CTNNA3: variants seen among roughly 807,000 people sequenced by gnomAD.
CTNNA3 encodes catenin alpha 3.
A neutral mutation model predicts 95.7 loss-of-function variants in CTNNA3; 76 were observed. The ratio of observed to expected loss-of-function variants is 0.79; its 90% CI spans 0.66 to 0.96. The LOEUF (loss-of-function observed/expected upper bound fraction) is 0.96, where lower values mean the gene tolerates loss of function less well. CTNNA3 is among the 40% of genes least tolerant of loss of function. CTNNA3 has a pLI of 0.00. For synonymous variants in CTNNA3, 431 were observed against 374.4 expected (o/e 1.15, Z -1.74); for missense variants, 1,191 against 1,089.8 (o/e 1.09, Z -1.31).
At position 67,750,601 on chromosome 10, in the gene CTNNA3, T is replaced by C. The variant is rs878976419; in HGVS notation, c.-2+12833A>G. 1.9e-6 allele frequency: 3 copies of C among 1,557,902 alleles called. No homozygotes were observed. The African/African-American group carries it at 4.1e-5, about 21-fold the overall frequency. On this transcript the variant is annotated intron_variant, in intron 1 of 17. Transcript: ENST00000684154. The stretch of plus-strand genomic sequence containing the variant: ...AGGATCTGAAGCTGAGTTATCTGGA[T>C]GTCTATCTTATTCACTAGCACAGGG...
At chr10:67,124,255 T>C (rs933861623) in intron 7 of CTNNA3, among the ~76,000 whole-genome samples, 2 of 152,060 alleles carry the variant, frequency 1.3e-5, no homozygotes, top group African/African-American at 2.4e-5. Context: ...TTACTTATAC[T>C]TAATTATGAT....
chr10:67,560,192 C>T (rs1841448691), intron 3 of CTNNA3, among the ~76,000 whole-genome samples: 1 of 152,070 alleles, frequency 6.6e-6, no homozygotes, highest in Non-Finnish European at 1.5e-5. Flanking sequence ...TTGTTAGATT[C>T]ACCAAAGTTG....
intron 7 of CTNNA3, among the ~76,000 whole-genome samples, chr10:67,112,711 A>G (rs1427399269): frequency 6.6e-6 from 1 of 151,982 alleles, no homozygotes; most frequent in Non-Finnish European, 1.5e-5. Context: ...GCAGGGTTAC[A>G]TTCAACAATT....
chr10:67,559,406 C>A (rs1190480653), intron 3 of CTNNA3, among the ~76,000 whole-genome samples: 1 of 152,184 alleles, frequency 6.6e-6, no homozygotes, highest in East Asian at 1.9e-4. Flanking sequence ...CTAGAAAACT[C>A]CAACAGACCT....
intron 13 of CTNNA3, among the ~76,000 whole-genome samples, chr10:66,157,515 A>G (rs1321463017): frequency 1.3e-5 from 2 of 149,674 alleles, no homozygotes; most frequent in African/African-American, 2.5e-5. Context: ...AGATAGATAG[A>G]TAGATAGATA....
At chr10:66,790,359 G>C (rs1336440187) in intron 7 of CTNNA3, among the ~76,000 whole-genome samples, 1 of 152,098 alleles carries the variant, frequency 6.6e-6, no homozygotes, top group Non-Finnish European at 1.5e-5. Flanking sequence ...TGAGGAAGGA[G>C]AATCGCTTGA....
intron 7 of CTNNA3, among the ~76,000 whole-genome samples, chr10:67,113,640 A>G (rs1859019484): frequency 6.6e-6 from 1 of 152,170 alleles, no homozygotes; most frequent in Non-Finnish European, 1.5e-5. Flanking sequence ...CCCAGGCTGC[A>G]GTACAGTGGT....
At chr10:67,689,254 G>A (rs1301719364) in intron 1 of CTNNA3, among the ~76,000 whole-genome samples, 13 of 152,098 alleles carry the variant, frequency 8.5e-5, no homozygotes, top group East Asian at 1.9e-4. Flanking sequence ...TACCATTTCC[G>A]AAGCTCCCCA....
chr10:65,942,875 C>T (rs1429307083), intron 17 of CTNNA3, among the ~76,000 whole-genome samples: 1 of 152,088 alleles, frequency 6.6e-6, no homozygotes, highest in Non-Finnish European at 1.5e-5. Context: ...ACCAGTTACT[C>T]AAGTTTTGCC....
Position 65,912,700 on chromosome 10 carries a change from T to G in CTNNA3, c.*7630A>C, listed in dbSNP as rs2076958227. 1 of 151,952 alleles carries G rather than the reference T, an allele frequency of 6.6e-6. No homozygotes were observed. Among genetic ancestry groups the G allele is most frequent in the Non-Finnish European group, 1.5e-5 (1 of 67,974 alleles). The allele number at this position is 151,952 out of a possible 1,614,324, so 9.4% of individuals were successfully genotyped here. A position where few individuals can be genotyped will look rare whatever the true frequency, so the allele number is the denominator to read the frequency against. On this transcript the variant is annotated 3_prime_UTR_variant, in exon 18 of 18. Transcript: ENST00000433211. The stretch of plus-strand genomic sequence containing the variant: ...GAAATAATGCAATTAAGAGCACAAC[T>G]AAAAAAAATCATTGATTCAGTTAAA...
chr10:67,320,210 T>C (rs1439361575), intron 5 of CTNNA3, among the ~76,000 whole-genome samples: 3 of 152,154 alleles, frequency 2.0e-5, no homozygotes, highest in African/African-American at 7.2e-5. Flanking sequence ...CAAGTTAATC[T>C]AGAGGGAGTC....
chr10:67,663,423 G>A (rs997535153), intron 1 of CTNNA3, among the ~76,000 whole-genome samples: 1 of 151,904 alleles, frequency 6.6e-6, no homozygotes, highest in African/African-American at 2.4e-5. Flanking sequence ...CTGGAGGCAT[G>A]GGCAAGTGCG....
intron 12 of CTNNA3, among the ~76,000 whole-genome samples, chr10:66,292,385 T>C (rs1012415980): frequency 9.2e-5 from 14 of 152,306 alleles, no homozygotes; most frequent in Admixed American, 7.9e-4. Context: ...AAGTAAAACA[T>C]ATAATGATTG....
intron 12 of CTNNA3, among the ~76,000 whole-genome samples, chr10:66,284,889 A>G (rs2091558308): frequency 6.6e-6 from 1 of 151,940 alleles, no homozygotes. Context: ...AGTGGCATTA[A>G]GCATATAAAT....
chr10:67,408,922 G>C (rs1845256890), intron 5 of CTNNA3, among the ~76,000 whole-genome samples: 2 of 133,444 alleles, frequency 1.5e-5, no homozygotes, highest in South Asian at 4.9e-4. Context: ...GTAGGCAAAG[G>C]ACTGAACAGA....
chr10:66,906,624 C>T (rs1029467932), intron 7 of CTNNA3, among the ~76,000 whole-genome samples: 21 of 151,914 alleles, frequency 1.4e-4, no homozygotes, highest in African/African-American at 5.1e-4. Flanking sequence ...TACTTTTGAT[C>T]CTGTTTCAAA....
chr10:66,066,947 A>G (rs560015266), intron 15 of CTNNA3, among the ~76,000 whole-genome samples: 1 of 152,086 alleles, frequency 6.6e-6, no homozygotes, highest in African/African-American at 2.4e-5. Context: ...TAATCATCCC[A>G]ATTTTTCTAT....
chr10:67,045,844 C>A (rs1854708410), intron 7 of CTNNA3, among the ~76,000 whole-genome samples: 1 of 152,168 alleles, frequency 6.6e-6, no homozygotes, highest in Non-Finnish European at 1.5e-5. Flanking sequence ...CTTCCTGACT[C>A]CTAACACAGT....
intron 13 of CTNNA3, among the ~76,000 whole-genome samples, chr10:66,197,240 A>G (rs1165120793): frequency 6.6e-6 from 1 of 152,188 alleles, no homozygotes; most frequent in Non-Finnish European, 1.5e-5. Context: ...GTGTAGACTA[A>G]AAAGAGATCT....
Sources: allele counts gnomAD v4.1 joint callset (sites outside exome capture counted in the v4.1 genomes callset), GRCh38; gene constraint gnomAD v4.1.1; transcripts MANE v1.5; gene names NCBI Gene and HGNC (gene_info 2026-07-23, HGNC 2026-07-21).